SEMA3E: variants seen among roughly 807,000 people sequenced by gnomAD.
SEMA3E encodes semaphorin-3E.
Under a neutral mutation model 93.6 loss-of-function variants are expected in SEMA3E, and 49 were observed. The ratio of observed to expected loss-of-function variants is 0.52; its 90% CI spans 0.42 to 0.66. The LOEUF is 0.66. SEMA3E is among the 30% of genes least tolerant of loss of function. The pLI is 0.00. For missense variants in SEMA3E, 906 were observed against 964.8 expected, an observed-to-expected ratio of 0.94 and a Z score of 0.81; for synonymous variants, 363 against 330.7, an observed-to-expected ratio of 1.10 and a Z score of -1.06.
chr7:83,621,258 G>A (rs1793550934), intron 1 of SEMA3E, among the ~76,000 whole-genome samples: 1 of 152,076 alleles, frequency 6.6e-6, no homozygotes, highest in African/African-American at 2.4e-5. Context: ...GCTAAGAAGA[G>A]AATAATATAC....
intron 5 of SEMA3E, among the ~76,000 whole-genome samples, chr7:83,411,138 C>G (rs567188374): frequency 6.6e-6 from 1 of 151,962 alleles, no homozygotes; most frequent in African/African-American, 2.4e-5. Context: ...TCGTTTTAAC[C>G]AATGCTATAA....
chr7:83,459,820 A>G (rs965055380), intron 4 of SEMA3E, among the ~76,000 whole-genome samples: 5 of 152,110 alleles, frequency 3.3e-5, no homozygotes, highest in African/African-American at 1.2e-4. Flanking sequence ...AGAAGTGTAA[A>G]TGGCTGGTCC....
At chr7:83,486,518 A>G (rs1474720831) in intron 2 of SEMA3E, among the ~76,000 whole-genome samples, 1 of 152,152 alleles carries the variant, frequency 6.6e-6, no homozygotes, top group Non-Finnish European at 1.5e-5. Context: ...ACATCTTCAG[A>G]GCCTGGTGAG....
chr7:83,374,647 T>C (rs1794796729), intron 16 of SEMA3E, among the ~76,000 whole-genome samples: 1 of 152,122 alleles, frequency 6.6e-6, no homozygotes, highest in South Asian at 2.1e-4. Flanking sequence ...TGTAAAAACA[T>C]AGTGCTGAGT....
At chr7:83,535,288 T>C (rs139774224) in intron 1 of SEMA3E, among the ~76,000 whole-genome samples, 183 of 152,280 alleles carry the variant, frequency 1.2e-3, no homozygotes, top group African/African-American at 4.0e-3. Context: ...AGGGGTGGTA[T>C]TGGGCATCAA....
intron 4 of SEMA3E, among the ~76,000 whole-genome samples, chr7:83,426,985 T>C (rs751807539): frequency 1.3e-5 from 2 of 152,108 alleles, no homozygotes; most frequent in Non-Finnish European, 2.9e-5. Flanking sequence ...TATATTAAAG[T>C]TTCTGTTTAA....
rs757380130 is a variant in SEMA3E at position 83,490,156 on chromosome 7, T to C, written c.234A>G (p.Val78=). The C allele has an allele frequency of 1.2e-6, 2 of 1,613,070 alleles. No individual in the cohort carries two copies. Among genetic ancestry groups the C allele is most frequent in the East Asian group, 4.5e-5 (2 of 44,848 alleles). Residue 78 remains valine, a synonymous_variant, in exon 2 of 17, where the codon GTA becomes GTG. Coordinates refer to ENST00000643230, the MANE Select transcript of SEMA3E (RefSeq NM_012431.3). ...TGATTCTCTCCAAGCTGAGGGAATA[T>C]ACAAGGTCCCTGCCTCCCACGAAGA... ...ERLFVGGRDL[V]YSLSLERISD...
At chr7:83,373,404 A>T (rs1794776318) in intron 16 of SEMA3E, among the ~76,000 whole-genome samples, 1 of 152,098 alleles carries the variant, frequency 6.6e-6, no homozygotes, top group Non-Finnish European at 1.5e-5. Flanking sequence ...ATACACACAT[A>T]CATATGTATA....
intron 4 of SEMA3E, among the ~76,000 whole-genome samples, chr7:83,438,377 A>G (rs2713168): frequency 0.51 from 78,102 of 151,956 alleles, 22,677 homozygotes; most frequent in East Asian, 0.85. Context: ...TATTCAAAGC[A>G]GGCCCATACT....
intron 1 of SEMA3E, among the ~76,000 whole-genome samples, chr7:83,561,727 C>T (rs1328107274): frequency 3.3e-5 from 5 of 152,106 alleles, no homozygotes; most frequent in Non-Finnish European, 7.4e-5. Context: ...TTAGTCTATT[C>T]ATTTGAAGTA....
chr7:83,498,442 AT>A (rs1790534399), intron 1 of SEMA3E, among the ~76,000 whole-genome samples: 1 of 151,856 alleles, frequency 6.6e-6, no homozygotes, highest in African/African-American at 2.4e-5. Context: ...TTTAGAGATA[AT>A]TTTTTTCAAA....
At chr7:83,509,290 G>A (rs971306654) in intron 1 of SEMA3E, among the ~76,000 whole-genome samples, 37 of 152,146 alleles carry the variant, frequency 2.4e-4, no homozygotes, top group African/African-American at 8.4e-4. Context: ...AGGGCTACGT[G>A]TTTAGGGGTA....
intron 1 of SEMA3E, among the ~76,000 whole-genome samples, chr7:83,598,953 T>C (rs745616413): frequency 6.6e-6 from 1 of 152,182 alleles, no homozygotes; most frequent in Non-Finnish European, 1.5e-5. Context: ...GCAGTAAATA[T>C]TGTGGAATTT....
intron 1 of SEMA3E, among the ~76,000 whole-genome samples, chr7:83,585,518 A>G (rs1439454309): frequency 6.6e-6 from 1 of 152,176 alleles, no homozygotes; most frequent in Non-Finnish European, 1.5e-5. Flanking sequence ...AAGAGATAAA[A>G]TATTACATGA....
chr7:83,482,709 T>A (rs1790172782), intron 2 of SEMA3E, among the ~76,000 whole-genome samples: 1 of 151,910 alleles, frequency 6.6e-6, no homozygotes, highest in Non-Finnish European at 1.5e-5. Flanking sequence ...CAATGCCTAC[T>A]CTTAGGGACC....
intron 1 of SEMA3E, among the ~76,000 whole-genome samples, chr7:83,610,803 G>A (rs913550316): frequency 2.0e-5 from 3 of 152,034 alleles, no homozygotes; most frequent in Non-Finnish European, 4.4e-5. Context: ...AGAAGCTTCA[G>A]AAGACACTAA....
intron 1 of SEMA3E, among the ~76,000 whole-genome samples, chr7:83,512,826 A>G (rs1258821929): frequency 6.6e-6 from 1 of 152,162 alleles, no homozygotes; most frequent in Admixed American, 6.6e-5. Flanking sequence ...TAATACTATC[A>G]ATGTAATTTT....
chr7:83,372,857 A>G (rs1190235539), intron 16 of SEMA3E: 1 of 152,156 alleles, frequency 6.6e-6, no homozygotes, highest in Non-Finnish European at 1.5e-5. Context: ...ACCCAAAAAT[A>G]TAAAATGACT....
At chr7:83,607,012 A>G (rs1379336714) in intron 1 of SEMA3E, among the ~76,000 whole-genome samples, 1 of 152,158 alleles carries the variant, frequency 6.6e-6, no homozygotes, top group African/African-American at 2.4e-5. Flanking sequence ...TTAACTGTTA[A>G]GTCCACACAA....
Sources: gnomAD v4.1 joint callset for allele counts (sites outside exome capture counted in the v4.1 genomes callset) on GRCh38, gnomAD v4.1.1 for gene constraint, MANE v1.5 for transcripts, NCBI Gene and HGNC (gene_info 2026-07-23, HGNC 2026-07-21) for gene names.